Variants in ADAMTS14 observed in about 807,000 individuals in gnomAD.
ADAMTS14 encodes the protein A disintegrin and metalloproteinase with thrombospondin motifs 14.
ADAMTS14 carries 100 observed loss-of-function variants against 128.6 expected under a neutral mutation model. That is an observed-to-expected ratio of 0.78 (90% CI 0.66 to 0.92). The LOEUF (loss-of-function observed/expected upper bound fraction) is 0.92, where lower values mean the gene tolerates loss of function less well. ADAMTS14 is among the 40% of genes least tolerant of loss of function. The pLI is 0.00. For synonymous variants in ADAMTS14, 665 were observed against 653.8 expected (o/e 1.02, Z -0.26); for missense variants, 1,562 against 1,658.6 (o/e 0.94, Z 1.01).
intron 14 of ADAMTS14, 151 bp from the exon 15 acceptor site, chr10:70,745,075 T>C (rs1201485167): frequency 2.8e-6 from 2 of 703,078 alleles, no homozygotes; most frequent in African/African-American, 3.6e-5. Context: ...GAAGGTCTCA[T>C]CCTCAGTTTA....
intron 3 of ADAMTS14, among the ~76,000 whole-genome samples, chr10:70,704,408 G>A (rs751649624): frequency 9.9e-5 from 15 of 150,892 alleles, no homozygotes; most frequent in Middle Eastern, 3.4e-3. Context: ...CCATATACCC[G>A]CACTCACCCT....
rs746926034 is a variant in ADAMTS14, at chr10:70,757,997, G to T, written c.2973G>T (p.Arg991=). 6.2e-7 allele frequency: 1 copy of T among 1,613,244 alleles called. No homozygotes were observed. Among genetic ancestry groups the T allele is most frequent in the Admixed American group, 1.7e-5 (1 of 59,992 alleles). The stretch of plus-strand genomic sequence containing the variant: ...CCTGTGGAGAGGGCATCCAGCAGCG[G>T]CAGGTGGTGTGCAGGACCAACGCCA... ...SATCGEGIQQ[R]QVVCRTNANS... is the part of the protein sequence containing the mutation. Residue 991 remains arginine, a synonymous_variant, in exon 20 of 22, where the codon CGG becomes CGT. Coordinates refer to ENST00000373207, the MANE Select transcript of ADAMTS14 (RefSeq NM_080722.4).
chr10:70,732,203 C>CCT, intron 6 of ADAMTS14, 51 bp from the exon 7 acceptor site: 1 of 1,508,852 alleles, frequency 6.6e-7, no homozygotes, highest in South Asian at 1.1e-5. Flanking sequence ...GTGTGTCCTG[C>CCT]CTCACCTGCC....
At chr10:70,705,732 A>G (rs4746059) in intron 3 of ADAMTS14, among the ~76,000 whole-genome samples, 85,734 of 152,038 alleles carry the variant, frequency 0.56, 24,474 homozygotes, top group Admixed American at 0.62. Context: ...TTCACTCAGC[A>G]TGTTTTCAAG....
At chr10:70,732,546 TAGG>T (rs1274039777) in intron 7 of ADAMTS14, among the ~76,000 whole-genome samples, 187 bp downstream of exon 7, 2 of 152,168 alleles carry the variant, frequency 1.3e-5, no homozygotes, top group Non-Finnish European at 2.9e-5. Context: ...TAACCTGAGT[TAGG>T]AGGAGCCAAG....
intron 15 of ADAMTS14, among the ~76,000 whole-genome samples, chr10:70,747,969 G>A (rs1410313982): frequency 6.6e-6 from 1 of 152,158 alleles, no homozygotes; most frequent in African/African-American, 2.4e-5. Context: ...GCGATGAAGG[G>A]AGAGGCTCTG....
At chr10:70,747,855 C>T (rs143024303) in intron 15 of ADAMTS14, among the ~76,000 whole-genome samples, 188 of 152,160 alleles carry the variant, frequency 1.2e-3, no homozygotes, top group Middle Eastern at 0.01. Flanking sequence ...TCAGTGAAAA[C>T]GTGTGAATAT....
intron 4 of ADAMTS14, among the ~76,000 whole-genome samples, chr10:70,726,992 C>T (rs1174761933): frequency 6.6e-6 from 1 of 152,226 alleles, no homozygotes; most frequent in Non-Finnish European, 1.5e-5. Flanking sequence ...TGCTTCCCCT[C>T]AGTGGGTGCT....
chr10:70,760,702 G>C lies in ADAMTS14; in HGVS notation c.3521G>C (p.Gly1174Ala), dbSNP rs1247530620. 6.2e-7 allele frequency: 1 copy of C among 1,613,972 alleles called. No homozygotes were observed. Among genetic ancestry groups the C allele is most frequent in the African/African-American group, 1.3e-5 (1 of 74,918 alleles). Residue 1174 changes from glycine (G) to alanine (A), a missense_variant, in exon 22 of 22, where the codon GGA becomes GCA. Gly to Ala is a moderately conservative substitution (Grantham distance 60, BLOSUM62 0). Transcript: ENST00000373207. ...TTTGCCCCTGAGACACCAATCCCTG[G>C]AGCATCCTGGAGCATCTCCCCTACC... ...HPFAPETPIP[G>A]ASWSISPTTP...
chr10:70,716,291 G>A (rs1269882104), intron 4 of ADAMTS14, among the ~76,000 whole-genome samples: 3 of 152,226 alleles, frequency 2.0e-5, no homozygotes, highest in Non-Finnish European at 1.5e-5. Flanking sequence ...GCCTGCGATG[G>A]GTGAGGGGCA....
intron 4 of ADAMTS14, among the ~76,000 whole-genome samples, chr10:70,715,439 C>G (rs946738): frequency 0.59 from 90,267 of 151,882 alleles, 27,669 homozygotes; most frequent in East Asian, 0.8. Context: ...TGTGTGCCCT[C>G]AGCGAGGCCC....
At chr10:70,743,174 A>G (rs1842059402) in intron 12 of ADAMTS14, among the ~76,000 whole-genome samples, 1 of 152,218 alleles carries the variant, frequency 6.6e-6, no homozygotes. Context: ...GAGTTAATTC[A>G]TGAAAAGCCA....
At chr10:70,713,114 A>G (rs1303362988) in intron 4 of ADAMTS14, among the ~76,000 whole-genome samples, 2 of 151,258 alleles carry the variant, frequency 1.3e-5, no homozygotes, top group African/African-American at 4.9e-5. Flanking sequence ...TTTCAGAGAA[A>G]CTCTTTCAGA....
intron 3 of ADAMTS14, among the ~76,000 whole-genome samples, chr10:70,705,386 G>A (rs1034225896): frequency 2.6e-5 from 4 of 152,244 alleles, no homozygotes; most frequent in Admixed American, 2.6e-4. Context: ...CCGAGCTCGG[G>A]CTCTCCGTGG....
At chr10:70,713,775 A>G (rs1235090773) in intron 4 of ADAMTS14, among the ~76,000 whole-genome samples, 1 of 152,196 alleles carries the variant, frequency 6.6e-6, no homozygotes, top group Non-Finnish European at 1.5e-5. Flanking sequence ...CTGTGCCCAG[A>G]AGGCAAGCAG....
At chr10:70,735,608 G>A (rs1841800745) in intron 9 of ADAMTS14, among the ~76,000 whole-genome samples, 1 of 152,188 alleles carries the variant, frequency 6.6e-6, no homozygotes, top group African/African-American at 2.4e-5. Flanking sequence ...AAGTTGTTGG[G>A]CTCTGGCCTG....
chr10:70,711,128 G>A (rs1449430603), intron 4 of ADAMTS14, among the ~76,000 whole-genome samples: 1 of 152,264 alleles, frequency 6.6e-6, no homozygotes, highest in Non-Finnish European at 1.5e-5. Context: ...GGGAGGGACA[G>A]GTTGGAGCCA....
chr10:70,757,372 T>C (rs1305257673), intron 19 of ADAMTS14, among the ~76,000 whole-genome samples: 1 of 152,118 alleles, frequency 6.6e-6, no homozygotes, highest in Non-Finnish European at 1.5e-5. Flanking sequence ...AGTCACAAGA[T>C]TATTGACTAT....
intron 2 of ADAMTS14, among the ~76,000 whole-genome samples, chr10:70,695,309 A>T (rs1840300711): frequency 6.6e-6 from 1 of 151,504 alleles, no homozygotes; most frequent in African/African-American, 2.4e-5. Flanking sequence ...CCCCCACCTT[A>T]CCCCCATCAA....
Sources: allele counts gnomAD v4.1 joint callset (sites outside exome capture counted in the v4.1 genomes callset), GRCh38; gene constraint gnomAD v4.1.1; transcripts MANE v1.5; gene names NCBI Gene and HGNC (gene_info 2026-07-23, HGNC 2026-07-21).